Variants in EYA4 observed in about 807,000 individuals in gnomAD.
The protein encoded by EYA4 is EYA transcriptional coactivator and phosphatase 4, also known as protein phosphatase EYA4.
Under a neutral mutation model 87.9 loss-of-function variants are expected in EYA4, and 31 were observed. That is an observed-to-expected ratio of 0.35 (90% CI 0.27 to 0.48). The LOEUF is 0.48. Ranked by LOEUF, EYA4 falls within the 20% of genes least tolerant of loss-of-function variation. EYA4 has a pLI of 0.99. For synonymous variants in EYA4, 263 were observed against 270.6 expected (o/e 0.97, Z 0.28); for missense variants, 678 against 761.4 (o/e 0.89, Z 1.29).
intron 9 of EYA4, 41 bp from the exon 10 acceptor site, chr6:133,464,738 C>T: frequency 8.4e-7 from 1 of 1,184,728 alleles, no homozygotes; most frequent in Non-Finnish European, 1.3e-6. Context: ...TATCATTTTA[C>T]AAGGAATACT....
chr6:133,459,584 C>T (rs975651280), intron 6 of EYA4, among the ~76,000 whole-genome samples: 2 of 151,984 alleles, frequency 1.3e-5, no homozygotes, highest in Non-Finnish European at 2.9e-5. Context: ...AACTATATTT[C>T]TGTTAGAGTA....
intron 2 of EYA4, among the ~76,000 whole-genome samples, chr6:133,277,947 TTTTAC>T (rs1319649251): frequency 9.2e-5 from 14 of 152,304 alleles, no homozygotes; most frequent in Admixed American, 8.5e-4. Flanking sequence ...GACTTTCTTG[TTTTAC>T]TTTAAGTTGC....
chr6:133,481,155 AC>A (rs1796185954), intron 11 of EYA4, among the ~76,000 whole-genome samples: 1 of 152,154 alleles, frequency 6.6e-6, no homozygotes, highest in Admixed American at 6.5e-5. Context: ...CTGAACTGTG[AC>A]AAAAAAGGAG....
intron 10 of EYA4, among the ~76,000 whole-genome samples, chr6:133,467,081 G>T (rs1405650240): frequency 1.3e-5 from 2 of 152,136 alleles, no homozygotes; most frequent in East Asian, 1.9e-4. Flanking sequence ...GTTTGGACAA[G>T]GGGGCGACAG....
chr6:133,279,360 C>A (rs1777438838), intron 2 of EYA4, among the ~76,000 whole-genome samples: 1 of 151,970 alleles, frequency 6.6e-6, no homozygotes, highest in Admixed American at 6.6e-5. Flanking sequence ...TTGTTGGTGG[C>A]ATGATTTTAT....
chr6:133,453,541 T>TAAAA, intron 5 of EYA4: 1 of 152,078 alleles, frequency 6.6e-6, no homozygotes, highest in Non-Finnish European at 1.5e-5. Context: ...AAAATAGTTG[T>TAAAA]TTATTATTAC....
chr6:133,347,006 T>C (rs1331854427), intron 2 of EYA4, among the ~76,000 whole-genome samples: 2 of 152,228 alleles, frequency 1.3e-5, no homozygotes, highest in African/African-American at 2.4e-5. Flanking sequence ...TCCAGGTTTC[T>C]GGAGAGAGAG....
At chr6:133,510,119 A>AT (rs1799015322) in intron 14 of EYA4, among the ~76,000 whole-genome samples, 2 of 152,190 alleles carry the variant, frequency 1.3e-5, no homozygotes, top group African/African-American at 4.8e-5. Context: ...GGAGTAAAAG[A>AT]TAAGTTTTTG....
At chr6:133,326,502 A>G (rs989579912) in intron 2 of EYA4, among the ~76,000 whole-genome samples, 1 of 152,214 alleles carries the variant, frequency 6.6e-6, no homozygotes, top group Non-Finnish European at 1.5e-5. Context: ...CAACCTGTAT[A>G]TACAGAAAGA....
At chr6:133,428,571 A>G (rs1386847396) in intron 3 of EYA4, among the ~76,000 whole-genome samples, 1 of 152,196 alleles carries the variant, frequency 6.6e-6, no homozygotes, top group Non-Finnish European at 1.5e-5. Flanking sequence ...TGGTTGATCC[A>G]GGAGCTCAAT....
intron 3 of EYA4, among the ~76,000 whole-genome samples, chr6:133,419,745 A>G (rs9389077): frequency 0.2 from 30,432 of 152,188 alleles, 3,193 homozygotes; most frequent in East Asian, 0.32. Flanking sequence ...GTGCAACACA[A>G]TGCAACAATG....
At chr6:133,283,536 G>A (rs893609387) in intron 2 of EYA4, among the ~76,000 whole-genome samples, 1 of 152,258 alleles carries the variant, frequency 6.6e-6, no homozygotes, top group South Asian at 2.1e-4. Context: ...ACGGCCCTTT[G>A]TGGAGGCTCT....
At chr6:133,294,086 C>G (rs114196898) in intron 2 of EYA4, among the ~76,000 whole-genome samples, 1,306 of 101,786 alleles carry the variant, frequency 0.013, 46 homozygotes, top group African/African-American at 0.047. Context: ...ATATAACATT[C>G]TACTGTAGAT....
At chr6:133,278,348 T>C (rs1294561813) in intron 2 of EYA4, among the ~76,000 whole-genome samples, 1 of 152,130 alleles carries the variant, frequency 6.6e-6, no homozygotes, top group African/African-American at 2.4e-5. Context: ...GCCATAACCC[T>C]TTGGCATTTA....
chr6:133,278,469 T>C (rs2128277408), intron 2 of EYA4, among the ~76,000 whole-genome samples: 1 of 152,346 alleles, frequency 6.6e-6, no homozygotes, highest in African/African-American at 2.4e-5. Context: ...GTTCATCTCG[T>C]ACTCTTACTT....
intron 2 of EYA4, among the ~76,000 whole-genome samples, chr6:133,311,106 A>G (rs1426291275): frequency 6.6e-6 from 1 of 151,952 alleles, no homozygotes; most frequent in Non-Finnish European, 1.5e-5. Context: ...TAGTATTACC[A>G]TTACCCAGGC....
chr6:133,429,445 C>G (rs143540005), intron 3 of EYA4, among the ~76,000 whole-genome samples: 3 of 151,782 alleles, frequency 2.0e-5, no homozygotes, highest in African/African-American at 7.3e-5. Flanking sequence ...TAAGGAGAGG[C>G]GGAAAAATGC....
At chr6:133,292,618 A>G (rs575194404) in intron 2 of EYA4, among the ~76,000 whole-genome samples, 2 of 152,312 alleles carry the variant, frequency 1.3e-5, no homozygotes, top group South Asian at 2.1e-4. Context: ...GAAGAAATGT[A>G]CTCTCAGTCC....
intron 2 of EYA4, among the ~76,000 whole-genome samples, chr6:133,310,705 G>A (rs1018283558): frequency 3.3e-5 from 5 of 152,110 alleles, no homozygotes; most frequent in South Asian, 2.1e-4. Flanking sequence ...TGTGAAAAAC[G>A]CTGAAAAGAA....
Sources: allele counts gnomAD v4.1 joint callset (sites outside exome capture counted in the v4.1 genomes callset), GRCh38; gene constraint gnomAD v4.1.1; transcripts MANE v1.5; gene names NCBI Gene and HGNC (gene_info 2026-07-23, HGNC 2026-07-21).